The following DAB1 variants were observed in gnomAD, a reference collection of about 807,000 sequenced individuals.
DAB1 encodes DAB adaptor protein 1, also known as disabled homolog 1.
DAB1 carries 15 observed loss-of-function variants against 64.6 expected under a neutral mutation model. The observed-to-expected ratio is 0.23, with a 90% CI of 0.16 to 0.36. DAB1 has a LOEUF of 0.36. Ranked by LOEUF, DAB1 falls within the 10% of genes least tolerant of loss-of-function variation. The pLI is 1.00. For missense variants in DAB1, 596 were observed against 706.7 expected, an observed-to-expected ratio of 0.84 and a Z score of 1.78; for synonymous variants, 235 against 251.9, an observed-to-expected ratio of 0.93 and a Z score of 0.64.
intron 1 of DAB1, among the ~76,000 whole-genome samples, chr1:57,314,941 A>G (rs1268481368): frequency 6.6e-6 from 1 of 152,204 alleles, no homozygotes; most frequent in Non-Finnish European, 1.5e-5. Flanking sequence ...GAGATATCAT[A>G]ATAAATATTA....
At chr1:57,535,192 T>C (rs1644711246) in intron 7 of DAB1, among the ~76,000 whole-genome samples, 1 of 152,200 alleles carries the variant, frequency 6.6e-6, no homozygotes, top group Non-Finnish European at 1.5e-5. Flanking sequence ...ACAATAATTG[T>C]ATTTAATTGT....
intron 7 of DAB1, among the ~76,000 whole-genome samples, chr1:57,620,809 G>A (rs1013942228): frequency 1.3e-5 from 2 of 152,178 alleles, no homozygotes. Flanking sequence ...CTGGAAGCAG[G>A]GGGGCAGCGC....
chr1:58,259,888 G>A (rs1426270554), intron 4 of DAB1, among the ~76,000 whole-genome samples: 2 of 152,152 alleles, frequency 1.3e-5, no homozygotes, highest in Non-Finnish European at 1.5e-5. Flanking sequence ...CACTTACATA[G>A]GTCTTACTAA....
chr1:57,223,024 T>C (rs998091185), intron 2 of DAB1, among the ~76,000 whole-genome samples: 4 of 152,038 alleles, frequency 2.6e-5, no homozygotes, highest in African/African-American at 9.7e-5. Flanking sequence ...CCCTGCAGAG[T>C]TCCTTCCAGC....
chr1:57,215,522 G>GA (rs1286371489), intron 2 of DAB1, among the ~76,000 whole-genome samples: 3 of 152,082 alleles, frequency 2.0e-5, no homozygotes, highest in African/African-American at 4.8e-5. Flanking sequence ...CTTTGAGTTT[G>GA]AAAAAAACGT....
At chr1:58,389,555 G>C (rs529412754) in intron 3 of DAB1, among the ~76,000 whole-genome samples, 29 of 152,284 alleles carry the variant, frequency 1.9e-4, no homozygotes, top group African/African-American at 7.0e-4. Flanking sequence ...CCCAGCTGGG[G>C]CACTTTCTAC....
chr1:57,758,619 C>T (rs1648927755), intron 6 of DAB1, among the ~76,000 whole-genome samples: 1 of 152,152 alleles, frequency 6.6e-6, no homozygotes, highest in South Asian at 2.1e-4. Context: ...GTGGATTCAT[C>T]ATGTTCACCG....
At chr1:57,438,837 A>G (rs1465397243) in intron 7 of DAB1, among the ~76,000 whole-genome samples, 7 of 152,328 alleles carry the variant, frequency 4.6e-5, no homozygotes, top group African/African-American at 1.7e-4. Context: ...AAAAGTACCT[A>G]TATTTTTGCA....
chr1:58,004,518 G>T (rs1646552260), intron 5 of DAB1, among the ~76,000 whole-genome samples: 1 of 152,120 alleles, frequency 6.6e-6, no homozygotes, highest in African/African-American at 2.4e-5. Context: ...TATTAATAGG[G>T]TTGAGGATCT....
At chr1:57,728,173 T>C (rs1647261931) in intron 6 of DAB1, among the ~76,000 whole-genome samples, 2 of 152,184 alleles carry the variant, frequency 1.3e-5, no homozygotes, top group African/African-American at 2.4e-5. Context: ...TGCAAAGAGA[T>C]TGTATCAGAA....
At chr1:58,274,363 T>TCTCAGATCTCCAGCTG in intron 4 of DAB1, among the ~76,000 whole-genome samples, 1 of 135,934 alleles carries the variant, frequency 7.4e-6, no homozygotes, top group Admixed American at 7.4e-5. Context: ...GTCTGCCGGT[T>TCTCAGATCTCCAGCTG]CTCAGATCTC....
chr1:57,816,549 C>T (rs933643601), intron 6 of DAB1, among the ~76,000 whole-genome samples: 1 of 152,190 alleles, frequency 6.6e-6, no homozygotes, highest in East Asian at 1.9e-4. Context: ...ATACTGCATT[C>T]GTCTGCTCTG....
chr1:57,828,668 A>T (rs1409383951), intron 1 of DAB1, among the ~76,000 whole-genome samples: 1 of 152,260 alleles, frequency 6.6e-6, no homozygotes, highest in African/African-American at 2.4e-5. Context: ...AGGATAGACA[A>T]AAAGAAAAAT....
intron 5 of DAB1, among the ~76,000 whole-genome samples, chr1:58,038,757 C>T (rs774183100): frequency 3.3e-5 from 5 of 152,242 alleles, no homozygotes; most frequent in Non-Finnish European, 7.3e-5. Context: ...AAGGAAGGTC[C>T]CTGCTCCCAA....
chr1:57,796,859 C>T (rs1203388416), intron 6 of DAB1, among the ~76,000 whole-genome samples: 1 of 152,138 alleles, frequency 6.6e-6, no homozygotes, highest in Admixed American at 6.5e-5. Context: ...TATAGATCCC[C>T]ACATCTGCGT....
chr1:58,283,463 A>G (rs965441921), intron 4 of DAB1, among the ~76,000 whole-genome samples: 3 of 151,776 alleles, frequency 2.0e-5, no homozygotes, highest in Non-Finnish European at 4.4e-5. Flanking sequence ...TCATCCAATC[A>G]TCCATTCCCA....
At chr1:57,780,844 C>A (rs1462534290) in intron 6 of DAB1, among the ~76,000 whole-genome samples, 1 of 150,792 alleles carries the variant, frequency 6.6e-6, no homozygotes, top group East Asian at 2.0e-4. Context: ...ACCTCTGCCT[C>A]CTGGGTTCAA....
chr1:58,284,848 A>G (rs761901317), intron 4 of DAB1, among the ~76,000 whole-genome samples: 2 of 152,260 alleles, frequency 1.3e-5, no homozygotes, highest in Non-Finnish European at 2.9e-5. Flanking sequence ...TAAAAGCAGC[A>G]GAGCTTGTTC....
intron 4 of DAB1, among the ~76,000 whole-genome samples, chr1:58,191,379 G>T (rs1657379783): frequency 6.6e-6 from 1 of 152,048 alleles, no homozygotes; most frequent in South Asian, 2.1e-4. Context: ...TTAAAGCAGT[G>T]GAACATTTTT....
Sources: allele counts gnomAD v4.1 joint callset (sites outside exome capture counted in the v4.1 genomes callset), GRCh38; gene constraint gnomAD v4.1.1; transcripts MANE v1.5; gene names NCBI Gene and HGNC (gene_info 2026-07-23, HGNC 2026-07-21).